The following REDIC1 variants were observed in gnomAD, a reference collection of about 807,000 sequenced individuals.
REDIC1 encodes the protein HEI10 Interacting Protein 1.
At chr12:39,709,861 A>G in the REDIC1 span, among the ~76,000 whole-genome samples, 33 of 151,962 alleles carry the variant, frequency 2.2e-4, no homozygotes, top group Admixed American at 2.0e-3. Flanking sequence ...GCTGGATTAT[A>G]TGGTAGTTCT....
the REDIC1 span, among the ~76,000 whole-genome samples, chr12:39,689,787 A>AT: frequency 2.4e-3 from 365 of 152,260 alleles, 1 homozygote; most frequent in African/African-American, 8.4e-3. Context: ...AATAATTCAT[A>AT]TTTCCCCAAA....
the REDIC1 span, among the ~76,000 whole-genome samples, chr12:39,713,073 G>A: frequency 2.8e-5 from 4 of 144,396 alleles, no homozygotes; most frequent in African/African-American, 7.6e-5. Context: ...GTGTATACAC[G>A]TGCATACGTG....
At chr12:39,888,888 A>G in the REDIC1 span, among the ~76,000 whole-genome samples, 1 of 152,230 alleles carries the variant, frequency 6.6e-6, no homozygotes, top group Non-Finnish European at 1.5e-5. Context: ...TTTATATTTC[A>G]ATAAAAATAA....
chr12:39,695,211 A>G, the REDIC1 span, among the ~76,000 whole-genome samples: 6 of 152,168 alleles, frequency 3.9e-5, no homozygotes, highest in African/African-American at 1.4e-4. Flanking sequence ...TTTCACTTGA[A>G]AAAAGCAGAG....
the REDIC1 span, among the ~76,000 whole-genome samples, chr12:39,658,374 C>T: frequency 6.6e-6 from 1 of 152,126 alleles, no homozygotes; most frequent in African/African-American, 2.4e-5. Context: ...CTTGAGACAC[C>T]ATGCCCAGCC....
At chr12:39,746,974 G>GA in the REDIC1 span, among the ~76,000 whole-genome samples, 1 of 152,148 alleles carries the variant, frequency 6.6e-6, no homozygotes, top group African/African-American at 2.4e-5. Context: ...CAAAGATGGG[G>GA]AAAAAACAAA....
the REDIC1 span, among the ~76,000 whole-genome samples, chr12:39,631,543 A>G: frequency 6.6e-6 from 1 of 152,200 alleles, no homozygotes; most frequent in African/African-American, 2.4e-5. Context: ...ATTTAAAAGA[A>G]TCAAATATTG....
the REDIC1 span, among the ~76,000 whole-genome samples, chr12:39,904,627 A>G: frequency 6.6e-6 from 1 of 152,102 alleles, no homozygotes; most frequent in Non-Finnish European, 1.5e-5. Flanking sequence ...GATGAGTTTA[A>G]TGTCCTATCA....
At chr12:39,842,979 G>C in the REDIC1 span, among the ~76,000 whole-genome samples, 1 of 151,884 alleles carries the variant, frequency 6.6e-6, no homozygotes, top group African/African-American at 2.4e-5. Context: ...TTCCACTGTA[G>C]GATATATCAC....
At chr12:39,663,311 A>G in the REDIC1 span, among the ~76,000 whole-genome samples, 1 of 152,002 alleles carries the variant, frequency 6.6e-6, no homozygotes, top group Admixed American at 6.6e-5. Context: ...ATATATATAT[A>G]TTTAGAAATG....
At chr12:39,904,957 C>G in the REDIC1 span, among the ~76,000 whole-genome samples, 1 of 152,054 alleles carries the variant, frequency 6.6e-6, no homozygotes, top group South Asian at 2.1e-4. Flanking sequence ...TTGATACAGA[C>G]GTGCAGGCAA....
the REDIC1 span, among the ~76,000 whole-genome samples, chr12:39,803,414 C>G: frequency 6.6e-6 from 1 of 151,886 alleles, no homozygotes; most frequent in Non-Finnish European, 1.5e-5. Context: ...AACTTTAGAC[C>G]ATAAAACTAT....
the REDIC1 span, among the ~76,000 whole-genome samples, chr12:39,636,219 T>C: frequency 3.9e-5 from 6 of 152,330 alleles, no homozygotes; most frequent in Admixed American, 1.3e-4. Flanking sequence ...GTGAAAATAC[T>C]GCAAGAATTC....
the REDIC1 span, among the ~76,000 whole-genome samples, chr12:39,727,408 G>T: frequency 6.6e-6 from 1 of 151,952 alleles, no homozygotes; most frequent in African/African-American, 2.4e-5. Flanking sequence ...TCAATAGGGA[G>T]TCCTTTCCCC....
chr12:39,717,350 A>G, the REDIC1 span, among the ~76,000 whole-genome samples: 1 of 152,000 alleles, frequency 6.6e-6, no homozygotes, highest in Non-Finnish European at 1.5e-5. Flanking sequence ...TGTTGTATAT[A>G]TTATATACTA....
the REDIC1 span, among the ~76,000 whole-genome samples, chr12:39,890,954 G>A: frequency 6.6e-6 from 1 of 151,960 alleles, no homozygotes. Flanking sequence ...CATACATGAT[G>A]CAAAGTGAAA....
At chr12:39,749,823 A>T in the REDIC1 span, among the ~76,000 whole-genome samples, 2 of 152,236 alleles carry the variant, frequency 1.3e-5, no homozygotes, top group Non-Finnish European at 2.9e-5. Context: ...AAACCACATG[A>T]TTATCTCAAT....
At chr12:39,776,361 C>T in the REDIC1 span, among the ~76,000 whole-genome samples, 3 of 152,196 alleles carry the variant, frequency 2.0e-5, no homozygotes, top group African/African-American at 7.2e-5. Flanking sequence ...GTAGTGCTCC[C>T]CTGCAAAACC....
At chr12:39,805,104 C>A in the REDIC1 span, among the ~76,000 whole-genome samples, 4 of 150,892 alleles carry the variant, frequency 2.7e-5, no homozygotes, top group Non-Finnish European at 5.9e-5. Flanking sequence ...TCATCAGTGA[C>A]GACAATGGAG....
Sources: allele counts gnomAD v4.1 joint callset (sites outside exome capture counted in the v4.1 genomes callset), GRCh38; gene constraint gnomAD v4.1.1; transcripts MANE v1.5; gene names NCBI Gene and HGNC (gene_info 2026-07-23, HGNC 2026-07-21).